The following COL4A2 variants were observed in gnomAD, a reference collection of about 807,000 sequenced individuals.
The protein encoded by COL4A2 is collagen alpha-2(IV) chain.
In COL4A2, 99 loss-of-function variants were observed where a neutral mutation model predicts 200.2. That is an observed-to-expected ratio of 0.49 (90% confidence interval 0.42 to 0.58). COL4A2 has a LOEUF of 0.58. Ranked by LOEUF, COL4A2 falls within the 20% of genes least tolerant of loss-of-function variation. COL4A2 has a pLI of 0.00. For synonymous variants in COL4A2, 897 were observed against 900.6 expected (o/e 1.00, Z 0.07); for missense variants, 1,950 against 2,314.1 (o/e 0.84, Z 3.23).
intron 27 of COL4A2, chr13:110,468,420 A>G (rs1219050367): frequency 4.6e-6 from 2 of 432,862 alleles, no homozygotes; most frequent in East Asian, 7.1e-5. Flanking sequence ...ACCAGAGGCC[A>G]GCACGCTCAG....
rs534644575 is a variant in COL4A2 at position 110,462,141 on chromosome 13, G to A, written c.1624G>A (p.Gly542Arg). ...AGTGCCTGGCAACATTGGTGCTCCC[G>A]GACCCAAAGGAGCAAAAGGAGATTC... ...KGVPGNIGAP[G>R]PKGAKGDSRT... is the part of the protein sequence containing the mutation. The change falls in exon 23 of 48, where the codon GGA becomes AGA. Residue 542 changes from glycine to arginine, a missense_variant. Around this residue, in one of 2 missense-constraint regions of COL4A2, gnomAD observed 1,385 missense variants for 1,720.5 expected, o/e 0.80. Transcript: ENST00000360467. 2 of 1,614,222 alleles carry A rather than the reference G, an allele frequency of 1.2e-6. No homozygotes were observed. The highest frequency in any genetic ancestry group is 1.7e-6 in the Non-Finnish European group (2 of 1,180,048).
chr13:110,479,697 G>A (rs2139521551), intron 30 of COL4A2, among the ~76,000 whole-genome samples: 1 of 152,342 alleles, frequency 6.6e-6, no homozygotes, highest in East Asian at 1.9e-4. Flanking sequence ...GGACGGCTTG[G>A]AGTCGGGGGA....
intron 35 of COL4A2, 74 bp downstream of exon 35, chr13:110,489,582 A>C: frequency 6.3e-7 from 1 of 1,589,436 alleles, no homozygotes; most frequent in Non-Finnish European, 8.6e-7. Context: ...CCAATTTCAG[A>C]CCTGCAAGTG....
chr13:110,391,686 GC>G (rs1878986324), intron 4 of COL4A2, among the ~76,000 whole-genome samples: 1 of 152,192 alleles, frequency 6.6e-6, no homozygotes, highest in Non-Finnish European at 1.5e-5. Flanking sequence ...AAACAGAAGA[GC>G]AACACCTTTC....
Position 110,480,334 on chromosome 13 carries a change from C to T in COL4A2, c.2702C>T (p.Pro901Leu), listed in dbSNP as rs759501342. ...GGCTTCACAGGGGAGCAAGGCCATC[C>T]AGGAAGCCCTGGATTTAAAGGAATT... ...DAGFTGEQGH[P>L]GSPGFKGIDG... Residue 901 changes from proline (P) to leucine (L), a missense_variant, in exon 31 of 48, where the codon CCA becomes CTA. By Grantham distance (98) the Pro-to-Leu change is moderately conservative. Around this residue, in one of 2 missense-constraint regions of COL4A2, gnomAD observed 1,385 missense variants for 1,720.5 expected, o/e 0.80. Transcript: ENST00000360467. The T allele has an allele frequency of 1.2e-5, 20 of 1,613,890 alleles. 1 individual carries two copies. The South Asian group carries it at 2.2e-4, about 18-fold the overall frequency.
intron 12 of COL4A2, 100 bp downstream of exon 12, chr13:110,434,542 C>T (rs1429601088): frequency 3.2e-6 from 4 of 1,267,444 alleles, no homozygotes; most frequent in Non-Finnish European, 4.5e-6. Context: ...AAACTTTTAC[C>T]TTGAGTTGAT....
At chr13:110,483,796 AG>A (rs1167901537) in intron 32 of COL4A2, among the ~76,000 whole-genome samples, 1 of 150,440 alleles carries the variant, frequency 6.6e-6, no homozygotes, top group Non-Finnish European at 1.5e-5. Context: ...CAGCGGCTCC[AG>A]GGTTTCATTT....
chr13:110,379,956 T>A (rs1226564401), intron 4 of COL4A2, among the ~76,000 whole-genome samples: 1 of 152,148 alleles, frequency 6.6e-6, no homozygotes, highest in East Asian at 1.9e-4. Flanking sequence ...AGCCCCTCTG[T>A]GTCACCAGGC....
chr13:110,477,120 G>A (rs1043716985), intron 29 of COL4A2, among the ~76,000 whole-genome samples: 2 of 152,136 alleles, frequency 1.3e-5, no homozygotes, highest in Admixed American at 6.5e-5. Context: ...AGGCCAAGGC[G>A]GGCAGATCGC....
chr13:110,492,118 G>T lies in COL4A2; in HGVS notation c.3503G>T (p.Arg1168Leu), dbSNP rs369072485. 2 of 1,553,400 alleles carry T rather than the reference G, an allele frequency of 1.3e-6. No individual in the cohort carries two copies. The highest frequency in any genetic ancestry group is 1.2e-5 in the South Asian group (1 of 84,136). ...GPPGSQGELG[R>L]IGLPGGKGDD... Reference sequence around the variant, plus strand: ...CCAGGGTCGCAGGGAGAGCTGGGGCGGATTGGACTGCCTGGTGGCAAAGGA... The same window carrying T: ...CCAGGGTCGCAGGGAGAGCTGGGGCTGATTGGACTGCCTGGTGGCAAAGGA... The change falls in exon 38 of 48, where the codon CGG (arginine) becomes CTG (leucine). Residue 1168 changes from arginine (R) to leucine (L), a missense_variant. Coordinates refer to ENST00000360467, the MANE Select transcript of COL4A2 (RefSeq NM_001846.4).
At chr13:110,420,421 C>G (rs1880204167) in intron 4 of COL4A2, among the ~76,000 whole-genome samples, 1 of 152,090 alleles carries the variant, frequency 6.6e-6, no homozygotes, top group East Asian at 1.9e-4. Context: ...GGGAGCAGGG[C>G]GGGGGGCAGG....
In COL4A2 at chr13:110,491,297, C is replaced by T. The variant is rs753493680; in HGVS notation, c.3411C>T (p.Gly1137=). Residue 1137 remains glycine, a synonymous_variant, in exon 37 of 48, where the codon GGC becomes GGT. Transcript: ENST00000360467. ...EGDIGFPGIT[G]VTGVQGPPGL... ...ACATCGGCTTCCCTGGGATAACAGG[C>T]GTGACTGGAGTCCAAGGCCCTCCTG... 14 of 1,598,520 alleles carry T rather than the reference C, an allele frequency of 8.8e-6. No homozygotes were observed. The South Asian group carries it at 1.1e-4, about 13-fold the overall frequency.
intron 24 of COL4A2, among the ~76,000 whole-genome samples, chr13:110,464,967 T>A (rs1048786616): frequency 6.6e-6 from 1 of 152,198 alleles, no homozygotes; most frequent in African/African-American, 2.4e-5. Flanking sequence ...TCTTTCCTTG[T>A]CCAAATTAGC....
rs1881493972 is a variant in COL4A2, at chr13:110,450,405, G to A, written c.1290G>A (p.Lys430=). ...LYGGPPGPDG[K]RGPPGPPGLP... ...GGGGCCCACCTGGACCTGATGGAAA[G>A]CGAGGGCCTCCAGGACCCCCCGGGC... The change falls in exon 20 of 48, where the codon AAG becomes AAA. Residue 430 remains lysine (K), a synonymous_variant. Coordinates refer to ENST00000360467, the MANE Select transcript of COL4A2 (RefSeq NM_001846.4). The A allele has an allele frequency of 5.0e-6, 8 of 1,613,954 alleles. No homozygotes were observed. The highest frequency in any genetic ancestry group is 5.9e-6 in the Non-Finnish European group (7 of 1,180,020).
At chr13:110,315,294 A>G (rs1885101870) in intron 3 of COL4A2, among the ~76,000 whole-genome samples, 1 of 152,260 alleles carries the variant, frequency 6.6e-6, no homozygotes. Flanking sequence ...CTCCACTGAT[A>G]GGATTTTAAA....
intron 3 of COL4A2, among the ~76,000 whole-genome samples, chr13:110,343,392 G>T (rs10450819): frequency 6.6e-6 from 1 of 152,142 alleles, no homozygotes; most frequent in Non-Finnish European, 1.5e-5. Flanking sequence ...AAAAACTACC[G>T]AGTGTGAGTT....
chr13:110,508,284 G>A lies in COL4A2; in HGVS notation c.4881+63G>A. ...CCCTGCTGGGGACACAGCAAGAACA[G>A]CTGCCTTTGTGAGAAGAATCAGACA... is the stretch of plus-strand genomic sequence containing the variant. On this transcript the variant is annotated intron_variant, in intron 47 of 47. Coordinates refer to ENST00000360467, the MANE Select transcript of COL4A2 (RefSeq NM_001846.4). The surrounding 1 kb of genome is among the most constrained non-coding windows in gnomAD (Gnocchi z 6.1). The A allele has an allele frequency of 6.3e-7, 1 of 1,584,292 alleles. No individual in the cohort carries two copies. The highest frequency in any genetic ancestry group is 8.6e-7 in the Non-Finnish European group (1 of 1,161,564).
At chr13:110,377,421 A>G (rs1475568749) in intron 4 of COL4A2, among the ~76,000 whole-genome samples, 1 of 151,970 alleles carries the variant, frequency 6.6e-6, no homozygotes, top group African/African-American at 2.4e-5. Flanking sequence ...CTGGCTCTGG[A>G]GGTGCACTGA....
chr13:110,356,259 T>A (rs962092441), intron 3 of COL4A2, among the ~76,000 whole-genome samples: 4 of 152,208 alleles, frequency 2.6e-5, no homozygotes, highest in Non-Finnish European at 4.4e-5. Context: ...GGTCACCCAC[T>A]TGCCTGAATA....
Sources: gnomAD v4.1 joint callset for allele counts (sites outside exome capture counted in the v4.1 genomes callset) on GRCh38, gnomAD v4.1.1 for gene constraint, gnomAD v4.1.1 regional missense constraint, Gnocchi (gnomAD v3.1) non-coding constraint, MANE v1.5 for transcripts, NCBI Gene and HGNC (gene_info 2026-07-23, HGNC 2026-07-21) for gene names.